The following MYO6 variants were observed in gnomAD, a reference collection of about 807,000 sequenced individuals.
MYO6 encodes unconventional myosin-VI.
MYO6 carries 74 observed loss-of-function variants against 178.7 expected under a neutral mutation model. That is an observed-to-expected ratio of 0.41 (90% CI 0.34 to 0.50). The LOEUF (loss-of-function observed/expected upper bound fraction) is 0.50, where lower values mean the gene tolerates loss of function less well. MYO6 is among the 20% of genes least tolerant of loss of function. MYO6 has a pLI of 0.09. For missense variants in MYO6, 1,330 were observed against 1,547.4 expected (o/e 0.86, Z 2.36); for synonymous variants, 477 against 504.6 (o/e 0.95, Z 0.73).
intron 7 of MYO6, among the ~76,000 whole-genome samples, chr6:75,836,494 A>T (rs1773658225): frequency 6.6e-6 from 1 of 152,138 alleles, no homozygotes; most frequent in African/African-American, 2.4e-5. Flanking sequence ...CCTGCATCAT[A>T]GACTCCTGTT....
At chr6:75,871,526 AG>A (rs1433675739) in intron 19 of MYO6, among the ~76,000 whole-genome samples, 4 of 152,344 alleles carry the variant, frequency 2.6e-5, no homozygotes, top group Admixed American at 2.6e-4. Context: ...CTGGCATTTC[AG>A]GCGTGAGCCA....
At chr6:75,844,741 A>G (rs1307929826) in intron 9 of MYO6, among the ~76,000 whole-genome samples, 156 bp from the exon 10 acceptor site, 4 of 152,140 alleles carry the variant, frequency 2.6e-5, no homozygotes, top group Non-Finnish European at 5.9e-5. Flanking sequence ...TGCTTATAAA[A>G]TATAGAAGTA....
chr6:75,755,902 A>G (rs1007981628), intron 1 of MYO6, among the ~76,000 whole-genome samples: 1 of 152,234 alleles, frequency 6.6e-6, no homozygotes, highest in Non-Finnish European at 1.5e-5. Context: ...GGCTGACCCT[A>G]AAGTTGGGAA....
intron 1 of MYO6, among the ~76,000 whole-genome samples, chr6:75,797,480 C>G (rs1562172263): frequency 2.0e-5 from 3 of 152,136 alleles, no homozygotes; most frequent in Non-Finnish European, 4.4e-5. Flanking sequence ...TGGGTATATA[C>G]CCAGTCATGT....
At chr6:75,756,238 A>C (rs924178844) in intron 1 of MYO6, among the ~76,000 whole-genome samples, 190 of 152,222 alleles carry the variant, frequency 1.2e-3, no homozygotes, top group African/African-American at 3.6e-3. Context: ...CAAAAAAAAA[A>C]AACAACAAGC....
At chr6:75,798,609 A>C (rs1372478691) in intron 1 of MYO6, among the ~76,000 whole-genome samples, 1 of 152,230 alleles carries the variant, frequency 6.6e-6, no homozygotes, top group African/African-American at 2.4e-5. Flanking sequence ...TAGGCATCAA[A>C]GGAACATAAC....
At chr6:75,757,344 T>C (rs1777532649) in intron 1 of MYO6, among the ~76,000 whole-genome samples, 1 of 149,204 alleles carries the variant, frequency 6.7e-6, no homozygotes, top group African/African-American at 2.5e-5. Flanking sequence ...CATATACATA[T>C]AGAACATCAG....
chr6:75,804,893 TATATATAC>T (rs1273677066), intron 1 of MYO6, among the ~76,000 whole-genome samples: 1 of 131,306 alleles, frequency 7.6e-6, no homozygotes, highest in Non-Finnish European at 1.5e-5. Context: ...CACACACACA[TATATATAC>T]ATATATACAC....
intron 1 of MYO6, among the ~76,000 whole-genome samples, chr6:75,750,923 A>G (rs1776837576): frequency 6.6e-6 from 1 of 152,142 alleles, no homozygotes; most frequent in Admixed American, 6.5e-5. Context: ...TTATCTTCAC[A>G]CCATAAAACG....
At chr6:75,766,874 C>T (rs778982372) in intron 1 of MYO6, among the ~76,000 whole-genome samples, 1 of 152,194 alleles carries the variant, frequency 6.6e-6, no homozygotes, top group Non-Finnish European at 1.5e-5. Flanking sequence ...ATTTTACCTT[C>T]TATACATCAT....
intron 26 of MYO6, 23 bp from the exon 27 acceptor site, chr6:75,891,205 A>G (rs1461573494): frequency 1.3e-6 from 2 of 1,503,998 alleles, no homozygotes; most frequent in African/African-American, 2.8e-5. Context: ...TAAATTTTTG[A>G]AGAGTTTTCT....
chr6:75,841,444 T>G, intron 9 of MYO6, 66 bp downstream of exon 9: 1 of 1,471,548 alleles, frequency 6.8e-7, no homozygotes, highest in South Asian at 1.2e-5. Context: ...ATCCCAACAC[T>G]TTGGGAGGCT....
intron 1 of MYO6, among the ~76,000 whole-genome samples, chr6:75,754,185 C>T (rs1398547630): frequency 6.6e-6 from 1 of 152,112 alleles, no homozygotes; most frequent in East Asian, 1.9e-4. Flanking sequence ...GACAAAAACA[C>T]AGTCATCTTT....
intron 1 of MYO6, among the ~76,000 whole-genome samples, chr6:75,812,525 TG>T (rs1473606467): frequency 6.6e-6 from 1 of 152,188 alleles, no homozygotes; most frequent in African/African-American, 2.4e-5. Context: ...GTCACCCTCT[TG>T]TGCTATCAAG....
intron 18 of MYO6, among the ~76,000 whole-genome samples, chr6:75,868,089 T>C (rs567077888): frequency 2.0e-5 from 3 of 152,104 alleles, no homozygotes; most frequent in Non-Finnish European, 4.4e-5. Context: ...CTGAATGTTA[T>C]GGTACTGATA....
chr6:75,910,103 C>T (rs1780651833), intron 32 of MYO6, among the ~76,000 whole-genome samples: 1 of 152,116 alleles, frequency 6.6e-6, no homozygotes, highest in African/African-American at 2.4e-5. Context: ...TGTGACACTG[C>T]TCTCTTCTCC....
chr6:75,805,050 G>A (rs1215615232), intron 1 of MYO6, among the ~76,000 whole-genome samples: 2 of 88,176 alleles, frequency 2.3e-5, no homozygotes, highest in Non-Finnish European at 3.8e-5. Context: ...TTGAGACAGA[G>A]TCTCACTCTG....
intron 20 of MYO6, among the ~76,000 whole-genome samples, chr6:75,875,300 G>C (rs912911501): frequency 1.3e-5 from 2 of 152,096 alleles, no homozygotes; most frequent in Admixed American, 1.3e-4. Flanking sequence ...GGGAGGGGCA[G>C]GGTTTATTCT....
rs183159568 is a variant in MYO6, at chr6:75,830,265, G to A, written c.262-151G>A. 226 of 656,638 alleles carry A rather than the reference G, an allele frequency of 3.4e-4. No individual in the cohort carries two copies. The African/African-American group carries it at 3.7e-3, about 11-fold the overall frequency. 40.7% of individuals were successfully genotyped at this position (656,638 alleles called of 1,614,324 possible). A position where few individuals can be genotyped will look rare whatever the true frequency, so the allele number is the denominator to read the frequency against. ...AAATATGGGTCCCTATAAAGATCAG[G>A]GAATACTCAGGGAATATTTAGGACT... On this transcript the variant is annotated intron_variant, in intron 4 of 34. Coordinates refer to ENST00000369977, the MANE Select transcript of MYO6 (RefSeq NM_004999.4).
Sources: gnomAD v4.1 joint callset for allele counts (sites outside exome capture counted in the v4.1 genomes callset) on GRCh38, gnomAD v4.1.1 for gene constraint, MANE v1.5 for transcripts, NCBI Gene and HGNC (gene_info 2026-07-23, HGNC 2026-07-21) for gene names.